The following GALNT18 variants were observed in gnomAD, a reference collection of about 807,000 sequenced individuals.
The protein encoded by GALNT18 is GalNAc-transferase 18.
A neutral mutation model predicts 69.5 loss-of-function variants in GALNT18; 44 were observed. The ratio of observed to expected loss-of-function variants is 0.63; its 90% CI spans 0.50 to 0.81. GALNT18 has a LOEUF of 0.81. Ranked by LOEUF, GALNT18 falls within the 40% of genes least tolerant of loss-of-function variation. The pLI is 0.00. For missense variants in GALNT18, 715 were observed against 810.0 expected, an observed-to-expected ratio of 0.88 and a Z score of 1.42; for synonymous variants, 364 against 318.2, an observed-to-expected ratio of 1.14 and a Z score of -1.53.
At chr11:11,433,831 A>G (rs1855333738) in intron 2 of GALNT18, among the ~76,000 whole-genome samples, 1 of 151,846 alleles carries the variant, frequency 6.6e-6, no homozygotes, top group Non-Finnish European at 1.5e-5. Context: ...GATGAATGAA[A>G]GAATGGGGCA....
intron 10 of GALNT18, among the ~76,000 whole-genome samples, chr11:11,271,617 TTC>T: frequency 3.4e-5 from 2 of 59,446 alleles, no homozygotes; most frequent in Admixed American, 4.3e-4. Flanking sequence ...GCTGGGTCCT[TTC>T]TCTGAAAAGC....
intron 1 of GALNT18, among the ~76,000 whole-genome samples, chr11:11,579,536 GC>G (rs1859021610): frequency 6.6e-6 from 1 of 152,120 alleles, no homozygotes; most frequent in South Asian, 2.1e-4. Context: ...TACCCATCAG[GC>G]CTCTAGCCTC....
chr11:11,540,854 G>A lies in GALNT18; in HGVS notation c.235+80505C>T, dbSNP rs1051402774. On this transcript the variant is annotated intron_variant, in intron 1 of 10. Transcript: ENST00000227756. This position sits in a 1 kb window ranked among gnomAD's most constrained non-coding sequence, Gnocchi z 4.6. Reference sequence around the variant, plus strand: ...TTGGCAGGAAGGTAGATATGGTGGTGGTGCTGTCTATTCAGACACTGGGTT... The same window carrying A: ...TTGGCAGGAAGGTAGATATGGTGGTAGTGCTGTCTATTCAGACACTGGGTT... 2.0e-5 allele frequency among the ~76,000 whole-genome samples: 3 copies of A among 151,886 alleles called. No individual in the cohort carries two copies. The highest frequency in any genetic ancestry group is 4.4e-5 in the Non-Finnish European group (3 of 68,022).
At position 11,337,084 on chromosome 11, in the gene GALNT18, C is replaced by G. The variant is rs534661172; in HGVS notation, c.1278+3735G>C. 6.6e-5 allele frequency among the ~76,000 whole-genome samples: 10 copies of G among 152,312 alleles called. No homozygotes were observed. The South Asian group carries it at 1.5e-3, about 22-fold the overall frequency. On this transcript the variant is annotated intron_variant, in intron 7 of 10. Transcript: ENST00000227756. This position sits in a 1 kb window ranked among gnomAD's most constrained non-coding sequence, Gnocchi z 4.9. ...AAACCTGGCCACCCTAAACTCTCAT[C>G]TGGAGGGCTTTTTGTAGATTCTGGC... is the stretch of plus-strand genomic sequence containing the variant.
chr11:11,405,500 G>A (rs1050719258), intron 3 of GALNT18, among the ~76,000 whole-genome samples: 1 of 152,174 alleles, frequency 6.6e-6, no homozygotes, highest in Non-Finnish European at 1.5e-5. Flanking sequence ...TTGTGCACAT[G>A]AGTCTGGGGT....
intron 6 of GALNT18, among the ~76,000 whole-genome samples, chr11:11,362,236 C>T (rs983906346): frequency 6.6e-6 from 1 of 152,024 alleles, no homozygotes; most frequent in Non-Finnish European, 1.5e-5. Context: ...TAGAAGAAAA[C>T]ATAAGTGAAT....
At chr11:11,410,048 CTTCT>C (rs139515295) in intron 3 of GALNT18, among the ~76,000 whole-genome samples, 3,163 of 152,314 alleles carry the variant, frequency 0.021, 112 homozygotes, top group African/African-American at 0.071. Context: ...TCTCCCCACC[CTTCT>C]TTGTCTCTCT....
At chr11:11,410,473 A>G (rs954965354) in intron 3 of GALNT18, among the ~76,000 whole-genome samples, 1 of 152,214 alleles carries the variant, frequency 6.6e-6, no homozygotes, top group Non-Finnish European at 1.5e-5. Context: ...TTTTATGTTC[A>G]TTATACTCAA....
chr11:11,274,322 C>T (rs1164876164), intron 10 of GALNT18, among the ~76,000 whole-genome samples: 3 of 152,166 alleles, frequency 2.0e-5, no homozygotes, highest in Admixed American at 1.3e-4. Context: ...CCAGTGGCAC[C>T]AGGAATGCCA....
At chr11:11,447,014 A>C (rs1247861734) in intron 2 of GALNT18, among the ~76,000 whole-genome samples, 1 of 152,122 alleles carries the variant, frequency 6.6e-6, no homozygotes, top group Non-Finnish European at 1.5e-5. Context: ...TGATGTGTAG[A>C]ATGGGCAGCA....
At chr11:11,307,963 G>C (rs7951509) in intron 9 of GALNT18, among the ~76,000 whole-genome samples, 1 of 152,082 alleles carries the variant, frequency 6.6e-6, no homozygotes, top group African/African-American at 2.4e-5. Flanking sequence ...CAAAAGCTGG[G>C]GGCCAGGGGT....
chr11:11,487,979 G>A (rs1203785457), intron 1 of GALNT18, among the ~76,000 whole-genome samples: 1 of 152,206 alleles, frequency 6.6e-6, no homozygotes, highest in Non-Finnish European at 1.5e-5. Flanking sequence ...GTGGTTATAA[G>A]CCCAAGCTCC....
At chr11:11,343,980 G>A (rs758967444) in intron 6 of GALNT18, among the ~76,000 whole-genome samples, 14 of 152,018 alleles carry the variant, frequency 9.2e-5, no homozygotes, top group East Asian at 1.9e-4. Flanking sequence ...TGTCTAGGCC[G>A]TCGTCATCAT....
At position 11,454,188 on chromosome 11, in the gene GALNT18, AGGCAT is replaced by A. The variant is rs777159639; in HGVS notation, c.236-5257_236-5253del. On this transcript the variant is annotated intron_variant, in intron 1 of 10. Coordinates refer to ENST00000227756, the MANE Select transcript of GALNT18 (RefSeq NM_198516.3). The surrounding 1 kb of genome is among the most constrained non-coding windows in gnomAD (Gnocchi z 4.2). ...GCAGGTAGGAGCACAAAGCCAGTGA[AGGCAT>A]GGCCGGGGCAAATTCCAGCTGTGTG... 5.9e-5 allele frequency among the ~76,000 whole-genome samples: 9 copies of A among 152,246 alleles called. No homozygotes were observed. Among genetic ancestry groups the A allele is most frequent in the Non-Finnish European group, 1.2e-4 (8 of 68,044 alleles).
At chr11:11,300,989 A>G (rs1164738105) in intron 9 of GALNT18, among the ~76,000 whole-genome samples, 3 of 152,218 alleles carry the variant, frequency 2.0e-5, no homozygotes, top group African/African-American at 7.2e-5. Context: ...GCCCCTGCAG[A>G]TCGGGATCTA....
intron 6 of GALNT18, among the ~76,000 whole-genome samples, chr11:11,351,124 G>A (rs1850392624): frequency 6.6e-6 from 1 of 152,158 alleles, no homozygotes; most frequent in African/African-American, 2.4e-5. Flanking sequence ...AATTCCAGCT[G>A]ATGAGTTCAT....
intron 3 of GALNT18, among the ~76,000 whole-genome samples, chr11:11,426,676 C>T (rs1442935806): frequency 6.6e-6 from 1 of 151,966 alleles, no homozygotes; most frequent in African/African-American, 2.4e-5. Context: ...TGTCAGAAGG[C>T]AGTTGGAGAT....
Position 11,415,732 on chromosome 11 carries a change from C to T in GALNT18, c.595+16889G>A, listed in dbSNP as rs1228399282. ...TCTCCCACCCACACCTATGCGTCTT[C>T]CCACCCATGCATCCATGCATCCATC... On this transcript the variant is annotated intron_variant, in intron 3 of 10. Coordinates refer to ENST00000227756, the MANE Select transcript of GALNT18 (RefSeq NM_198516.3). This position sits in a 1 kb window ranked among gnomAD's most constrained non-coding sequence, Gnocchi z 4.1. Among the ~76,000 whole-genome samples, 1 of 152,172 alleles carries T rather than the reference C, an allele frequency of 6.6e-6. No individual in the cohort carries two copies. Among genetic ancestry groups the T allele is most frequent in the African/African-American group, 2.4e-5 (1 of 41,438 alleles).
intron 9 of GALNT18, among the ~76,000 whole-genome samples, chr11:11,294,477 C>T (rs954280035): frequency 1.6e-4 from 24 of 152,202 alleles, no homozygotes; most frequent in African/African-American, 5.5e-4. Context: ...GACCCAGGCT[C>T]TTAGATGCCA....
Sources: allele counts gnomAD v4.1 joint callset (sites outside exome capture counted in the v4.1 genomes callset), GRCh38; gene constraint gnomAD v4.1.1; non-coding constraint Gnocchi (gnomAD v3.1); transcripts MANE v1.5; gene names NCBI Gene and HGNC (gene_info 2026-07-23, HGNC 2026-07-21).